Variants in UBXN6 observed in about 807,000 individuals in gnomAD.
The protein encoded by UBXN6 is UBX domain-containing protein 6.
A neutral mutation model predicts 51.4 loss-of-function variants in UBXN6; 44 were observed. That is an observed-to-expected ratio of 0.86 (90% CI 0.67 to 1.10). The LOEUF (loss-of-function observed/expected upper bound fraction) is 1.10. Among genes scored for constraint, UBXN6 ranks in the 50% least tolerant of loss-of-function variants. UBXN6 has a pLI of 0.00. For synonymous variants in UBXN6, 316 were observed against 263.2 expected, an observed-to-expected ratio of 1.20 and a Z score of -1.94; for missense variants, 672 against 596.1, an observed-to-expected ratio of 1.13 and a Z score of -1.32.
At chr19:4,445,987 C>G in intron 10 of UBXN6, 62 bp downstream of exon 10, 2 of 1,536,748 alleles carry the variant, frequency 1.3e-6, no homozygotes, top group Non-Finnish European at 8.8e-7. Flanking sequence ...GGTGTCTGTG[C>G]CGGTCCCAGG....
intron 5 of UBXN6, 137 bp from the exon 6 acceptor site, chr19:4,447,762 G>C (rs140949456): frequency 1.2e-4 from 102 of 835,726 alleles, no homozygotes; most frequent in Non-Finnish European, 1.8e-4. Flanking sequence ...AGTGACGCGA[G>C]GGCAGCAGAC....
At chr19:4,451,029 T>A (rs571990594) in intron 4 of UBXN6, among the ~76,000 whole-genome samples, 4 of 151,592 alleles carry the variant, frequency 2.6e-5, no homozygotes, top group Non-Finnish European at 5.9e-5. Context: ...GTCTGGAGAG[T>A]CTATGGAACT....
chr19:4,446,825 T>C lies in UBXN6; in HGVS notation c.700+11A>G, dbSNP rs754300067. On this transcript the variant is annotated intron_variant, in intron 7 of 10. Coordinates refer to ENST00000301281, the MANE Select transcript of UBXN6 (RefSeq NM_025241.3). ...CCCCATTCCCTACTCAGCCAGGCCC[T>C]GTCCACTTACCCTGATCCTGGGCGG... 2.5e-6 allele frequency: 4 copies of C among 1,613,988 alleles called. No individual in the cohort carries two copies. Among genetic ancestry groups the C allele is most frequent in the Admixed American group, 1.7e-5 (1 of 60,026 alleles).
chr19:4,447,905 C>T (rs1010466756), intron 5 of UBXN6: 3 of 515,882 alleles, frequency 5.8e-6, no homozygotes, highest in Non-Finnish European at 1.1e-5. Context: ...GGGGAAGCCA[C>T]AGTGCCGGAA....
At chr19:4,450,356 A>T (rs1390559429) in intron 4 of UBXN6, 2 of 152,158 alleles carry the variant, frequency 1.3e-5, no homozygotes, top group Non-Finnish European at 2.9e-5. Context: ...TTATACAGAG[A>T]TCAAAAAATC....
chr19:4,445,394 G>A lies in UBXN6; in HGVS notation c.*104C>T. 2 of 1,558,770 alleles carry A rather than the reference G, an allele frequency of 1.3e-6. No individual in the cohort carries two copies. The highest frequency in any genetic ancestry group is 1.8e-5 in the Admixed American group (1 of 56,254). Reference sequence around the variant, plus strand: ...GCCCCTCCCGTGCCCATGGGGCAGAGCCAAGTATTTCCAGAGGTGGCTTGG... The same window carrying A: ...GCCCCTCCCGTGCCCATGGGGCAGAACCAAGTATTTCCAGAGGTGGCTTGG... On this transcript the variant is annotated 3_prime_UTR_variant, in exon 11 of 11. Transcript: ENST00000301281.
At position 4,455,742 on chromosome 19, in the gene UBXN6, G is replaced by T. The variant is rs1039771032; in HGVS notation, c.84-1649C>A. Among the ~76,000 whole-genome samples the T allele has an allele frequency of 2.0e-5, 3 of 152,052 alleles. No homozygotes were observed. In the East Asian group the frequency reaches 5.8e-4, roughly 29 times the overall value. ...CACCTTCTGCCCAGAATGTTCTCCG[G>T]GGGAGTGGGAGGAGGATGGGGGTCT... On this transcript the variant is annotated intron_variant, in intron 1 of 10. Coordinates refer to ENST00000301281, the MANE Select transcript of UBXN6 (RefSeq NM_025241.3).
intron 4 of UBXN6, chr19:4,450,027 A>C (rs1271572637): frequency 6.6e-6 from 1 of 151,958 alleles, no homozygotes; most frequent in South Asian, 2.1e-4. Flanking sequence ...TAGGAGAGCG[A>C]GACCATCCCG....
chr19:4,446,764 C>A, intron 7 of UBXN6, 45 bp from the exon 8 acceptor site: 3 of 1,611,950 alleles, frequency 1.9e-6, no homozygotes, highest in Non-Finnish European at 2.5e-6. Context: ...ATGGAGAGAC[C>A]CCCAAGCCGG....
rs116062482 is a variant in UBXN6, at chr19:4,446,438, G to C, written c.921-25C>G. 1,198 of 1,578,702 alleles carry C rather than the reference G, an allele frequency of 7.6e-4. 11 individuals carry two copies. In the African/African-American group the frequency reaches 0.015, roughly 19 times the overall value. On this transcript the variant is annotated intron_variant, in intron 8 of 10. Transcript: ENST00000301281. Reference sequence around the variant, plus strand: ...CCTGCACACGCGGGCCAGGTCACGAGGGCTGGCCGGGGTTCTTCCACCCCG... The same window carrying C: ...CCTGCACACGCGGGCCAGGTCACGACGGCTGGCCGGGGTTCTTCCACCCCG...
intron 4 of UBXN6, among the ~76,000 whole-genome samples, chr19:4,451,024 G>A (rs960684283): frequency 1.3e-4 from 20 of 152,186 alleles, no homozygotes; most frequent in African/African-American, 4.8e-4. Flanking sequence ...TGTGAGTCTG[G>A]AGAGTCTATG....
Position 4,447,436 on chromosome 19 carries a change from ACT to A in UBXN6, c.615+112_615+113del, listed in dbSNP as rs1293327025. 3.4e-6 allele frequency: 4 copies of A among 1,172,114 alleles called. No individual in the cohort carries two copies. The East Asian group carries it at 9.4e-5, about 28-fold the overall frequency. The allele number at this position is 1,172,114 out of a possible 1,614,324, so 72.6% of individuals were successfully genotyped here. A position where few individuals can be genotyped will look rare whatever the true frequency, so the allele number is the denominator to read the frequency against. On this transcript the variant is annotated intron_variant, in intron 6 of 10. Transcript: ENST00000301281. ...CGAACCCTTCACTGCTTGTGGCTCA[ACT>A]CTCGCTAGCTCCTCCAGGGAGCCCA...
In UBXN6 at chr19:4,454,084, G is replaced by T; in HGVS notation, c.93C>A (p.Ala31=). The change falls in exon 2 of 11, where the codon GCC becomes GCA. Residue 31 remains alanine (A), a synonymous_variant. Coordinates refer to ENST00000301281, the MANE Select transcript of UBXN6 (RefSeq NM_025241.3). The stretch of plus-strand genomic sequence containing the variant: ...CTGGCTGGTTGGGCTTCTCTTTGTG[G>T]GCCTTTTCCCTGGGAACAGACCGAG... ...QKLKESVGEK[A]HKEKPNQPAP... The T allele has an allele frequency of 6.4e-7, 1 of 1,558,538 alleles. No homozygotes were observed. Among genetic ancestry groups the T allele is most frequent in the East Asian group, 2.3e-5 (1 of 44,166 alleles).
In UBXN6 at chr19:4,446,271, G is replaced by C. The variant is rs539523761; in HGVS notation, c.1051+12C>G. 6.4e-7 allele frequency: 1 copy of C among 1,569,908 alleles called. No homozygotes were observed. The highest frequency in any genetic ancestry group is 8.6e-7 in the Non-Finnish European group (1 of 1,161,370). ...ACCCGAGCCGCCCTCCACGGGCATC[G>C]TTGGTGCCCACCCTGCAGGAGGCAG... On this transcript the variant is annotated intron_variant, in intron 9 of 10. Coordinates refer to ENST00000301281, the MANE Select transcript of UBXN6 (RefSeq NM_025241.3).
chr19:4,455,258 C>T, intron 1 of UBXN6: 2 of 985,460 alleles, frequency 2.0e-6, no homozygotes, highest in Non-Finnish European at 2.4e-6. Context: ...TCTATTAAAA[C>T]CTTCTGGGAG....
At chr19:4,448,670 G>A (rs567266330) in intron 4 of UBXN6, 359 of 531,624 alleles carry the variant, frequency 6.8e-4, no homozygotes, top group Middle Eastern at 1.6e-3. Context: ...CTAGATCCAT[G>A]GGACTTGGAA....
At chr19:4,456,533 G>T (rs1974741919) in intron 1 of UBXN6, among the ~76,000 whole-genome samples, 1 of 151,522 alleles carries the variant, frequency 6.6e-6, no homozygotes, top group African/African-American at 2.4e-5. Flanking sequence ...CCTCTGGCCA[G>T]CCAGCTCCCT....
intron 2 of UBXN6, 77 bp from the exon 3 acceptor site, chr19:4,453,599 C>A: frequency 1.3e-6 from 2 of 1,553,730 alleles, no homozygotes; most frequent in South Asian, 2.3e-5. Flanking sequence ...CCCCCTCATT[C>A]CCGGGGTGGG....
At chr19:4,448,668 A>G (rs1008999769) in intron 4 of UBXN6, 18 of 532,048 alleles carry the variant, frequency 3.4e-5, no homozygotes, top group Non-Finnish European at 6.1e-5. Flanking sequence ...GGCTAGATCC[A>G]TGGGACTTGG....
Sources: allele counts gnomAD v4.1 joint callset (sites outside exome capture counted in the v4.1 genomes callset), GRCh38; gene constraint gnomAD v4.1.1; transcripts MANE v1.5; gene names NCBI Gene and HGNC (gene_info 2026-07-23, HGNC 2026-07-21).